The following CTSB variants were observed in gnomAD, a reference collection of about 807,000 sequenced individuals.
The protein encoded by CTSB is APP secretase.
CTSB carries 57 observed loss-of-function variants against 44.3 expected under a neutral mutation model. The observed-to-expected ratio is 1.29, with a 90% confidence interval of 1.04 to 1.60. The LOEUF (loss-of-function observed/expected upper bound fraction) is 1.60, where lower values mean the gene tolerates loss of function less well. Ranked by LOEUF, CTSB falls within the 40% of genes most tolerant of loss-of-function variation. The probability of loss-of-function intolerance (pLI) is 0.00; values close to 1 mark genes in which losing one functional copy is unlikely to be tolerated. For missense variants in CTSB, 768 were observed against 443.0 expected (o/e 1.73, Z -6.59); for synonymous variants, 320 against 168.0 (o/e 1.91, Z -7.00).
At chr8:11,855,117 G>A (rs547329219) in intron 1 of CTSB, among the ~76,000 whole-genome samples, 103 of 152,244 alleles carry the variant, frequency 6.8e-4, no homozygotes, top group Middle Eastern at 3.4e-3. Context: ...CTGCCTCCTG[G>A]GTTCAAGCTA....
intron 1 of CTSB, chr8:11,853,683 C>G (rs371565508): frequency 2.9e-4 from 146 of 501,888 alleles, no homozygotes; most frequent in African/African-American, 2.4e-3. Context: ...CCCCGGGGGC[C>G]AGGCGGCCAG....
At chr8:11,857,075 G>A (rs1246190990) in intron 1 of CTSB, among the ~76,000 whole-genome samples, 1 of 152,150 alleles carries the variant, frequency 6.6e-6, no homozygotes, top group Non-Finnish European at 1.5e-5. Flanking sequence ...ACATGCTGGA[G>A]TACAGTGGCG....
At chr8:11,849,237 G>A (rs1269488060) in intron 4 of CTSB, 73 bp from the exon 5 acceptor site, 1 of 1,182,516 alleles carries the variant, frequency 8.5e-7, no homozygotes, top group Non-Finnish European at 1.2e-6. Context: ...CCCTCAAAGG[G>A]CCACAGGGGC....
intron 1 of CTSB, among the ~76,000 whole-genome samples, chr8:11,865,074 G>C (rs1816932751): frequency 6.6e-6 from 1 of 152,178 alleles, no homozygotes; most frequent in African/African-American, 2.4e-5. Context: ...ACCAGACGTA[G>C]AGACTGCTGC....
At position 11,853,326 on chromosome 8, in the gene CTSB, T is replaced by C. The variant is rs878928055; in HGVS notation, c.126+3A>G. On this transcript the variant is annotated splice_donor_region_variant and intron_variant, in intron 2 of 9. Transcript: ENST00000353047. ...ATACATAGGACGCAGCCCCACAGCC[T>C]ACCTGCCACGTGGTATTCCGTTTGT... is the stretch of plus-strand genomic sequence containing the variant. 6.2e-7 allele frequency: 1 copy of C among 1,613,318 alleles called. No individual in the cohort carries two copies. The highest frequency in any genetic ancestry group is 8.5e-7 in the Non-Finnish European group (1 of 1,179,794).
At chr8:11,846,862 G>A (rs966203123) in intron 8 of CTSB, among the ~76,000 whole-genome samples, 190 bp downstream of exon 8, 2 of 152,092 alleles carry the variant, frequency 1.3e-5, no homozygotes, top group African/African-American at 4.8e-5. Context: ...CACAACACCT[G>A]GACAAAGACA....
chr8:11,847,373 G>A (rs867118025), intron 7 of CTSB, among the ~76,000 whole-genome samples: 1 of 152,150 alleles, frequency 6.6e-6, no homozygotes, highest in African/African-American at 2.4e-5. Context: ...GGAGAACGGA[G>A]CAATGAGCAC....
chr8:11,865,282 T>C (rs543579083), intron 1 of CTSB, among the ~76,000 whole-genome samples: 6 of 152,250 alleles, frequency 3.9e-5, no homozygotes, highest in African/African-American at 9.6e-5. Flanking sequence ...CAGTGGCTCA[T>C]ACCTGTAATC....
chr8:11,847,290 C>G, intron 7 of CTSB, 122 bp from the exon 8 acceptor site: 1 of 707,922 alleles, frequency 1.4e-6, no homozygotes, highest in Non-Finnish European at 2.5e-6. Context: ...AGGGGACTTG[C>G]CCTGCCAGGG....
rs1001090819 is a variant in CTSB, at chr8:11,845,004, G to GTTT, written c.*118_*120dup. 4.3e-6 allele frequency: 3 copies of GTTT among 696,020 alleles called. No homozygotes were observed. The African/African-American group carries it at 5.3e-5, about 12-fold the overall frequency. 43.1% of individuals were successfully genotyped at this position (696,020 alleles called of 1,614,324 possible). On this transcript the variant is annotated 3_prime_UTR_variant, in exon 10 of 10. Coordinates refer to ENST00000353047, the MANE Select transcript of CTSB (RefSeq NM_001908.5). ...GGTCTCCTTGGAAGACAGGTCTGAT[G>GTTT]TTTGGCCAATCCAGTCCTTCAGACC...
intron 1 of CTSB, among the ~76,000 whole-genome samples, chr8:11,860,386 G>T (rs1374885794): frequency 6.6e-6 from 1 of 152,142 alleles, no homozygotes; most frequent in African/African-American, 2.4e-5. Context: ...ACTTTGGGAG[G>T]CCAAGGAGGT....
At chr8:11,860,883 A>G (rs1020694642) in intron 1 of CTSB, among the ~76,000 whole-genome samples, 1 of 152,216 alleles carries the variant, frequency 6.6e-6, no homozygotes, top group Non-Finnish European at 1.5e-5. Context: ...GTGCAACCAC[A>G]AAACAAGACT....
chr8:11,848,014 T>G lies in CTSB; in HGVS notation c.532+53A>C, dbSNP rs1027475998. 27 of 1,467,070 alleles carry G rather than the reference T, an allele frequency of 1.8e-5. No individual in the cohort carries two copies. In the Admixed American group the frequency reaches 4.0e-4, roughly 22 times the overall value. The allele number at this position is 1,467,070 out of a possible 1,614,324, so 90.9% of individuals were successfully genotyped here. On this transcript the variant is annotated intron_variant, in intron 6 of 9. Coordinates refer to ENST00000353047, the MANE Select transcript of CTSB (RefSeq NM_001908.5). Reference sequence around the variant, plus strand: ...TAAAGGCAAATAAAGCCATGATGGTTAATTGCTCAAACAATCCATCTGGCC... The same window carrying G: ...TAAAGGCAAATAAAGCCATGATGGTGAATTGCTCAAACAATCCATCTGGCC...
At position 11,844,922 on chromosome 8, in the gene CTSB, G is replaced by A. The variant is rs139283459; in HGVS notation, c.*203C>T. On this transcript the variant is annotated 3_prime_UTR_variant, in exon 10 of 10. Coordinates refer to ENST00000353047, the MANE Select transcript of CTSB (RefSeq NM_001908.5). Reference sequence around the variant, plus strand: ...GGGAAGGACGCTCTGTGCTGGCAGCGGTGGCTCACATGGCCTGTCTGCACT... The same window carrying A: ...GGGAAGGACGCTCTGTGCTGGCAGCAGTGGCTCACATGGCCTGTCTGCACT... The A allele has an allele frequency of 1.1e-3, 644 of 579,906 alleles. 8 individuals carry two copies. In the East Asian group the frequency reaches 0.013, roughly 12 times the overall value. The allele number at this position is 579,906 out of a possible 1,614,324, so 35.9% of individuals were successfully genotyped here.
At position 11,849,257 on chromosome 8, in the gene CTSB, C is replaced by T. The variant is rs1586114399; in HGVS notation, c.328-93G>A. ...AAAGGGCCACAGGGGCACCTCAGAC[C>T]TTGTAGGCAACTGATCTCTCAACAC... On this transcript the variant is annotated intron_variant, in intron 4 of 9. Transcript: ENST00000353047. The T allele has an allele frequency of 7.8e-6, 7 of 899,016 alleles. No individual in the cohort carries two copies. In the East Asian group the frequency reaches 1.8e-4, roughly 23 times the overall value. 55.7% of individuals were successfully genotyped at this position (899,016 alleles called of 1,614,324 possible).
chr8:11,862,018 T>A (rs1816493445), intron 1 of CTSB, among the ~76,000 whole-genome samples: 1 of 152,052 alleles, frequency 6.6e-6, no homozygotes, highest in Non-Finnish European at 1.5e-5. Flanking sequence ...CCATCCTGGA[T>A]AACACGGTGA....
At position 11,851,062 on chromosome 8, in the gene CTSB, C is replaced by G. The variant is rs555707589; in HGVS notation, c.213-82G>C. The G allele has an allele frequency of 5.5e-5, 48 of 877,638 alleles. 1 individual carries two copies. In the South Asian group the frequency reaches 6.2e-4, roughly 11 times the overall value. The allele number at this position is 877,638 out of a possible 1,614,324, so 54.4% of individuals were successfully genotyped here. ...CCTGCAAAGGCCACTTTGGCTGGGC[C>G]ACACTCCCCTAACAAGGAAATGAGC... On this transcript the variant is annotated intron_variant, in intron 3 of 9. Coordinates refer to ENST00000353047, the MANE Select transcript of CTSB (RefSeq NM_001908.5).
rs1290689442 is a variant in CTSB, at chr8:11,845,703, A to ATTCTCCT, written c.879_880insAGGAGAA (p.Trp294ArgfsTer12). The ATTCTCCT allele has an allele frequency of 1.2e-6, 2 of 1,614,162 alleles. No homozygotes were observed. The highest frequency in any genetic ancestry group is 3.3e-5 in the Admixed American group (2 of 60,026). On this transcript the variant is annotated frameshift_variant, in exon 9 of 10. Transcript: ENST00000353047. LOFTEE classifies it high-confidence loss of function. ...GTGTTCCAGGAGTTGGCAACCAGCC[A>ATTCTCCT]GTAGGGTGTGCCATTCTCCACTCCC...
At chr8:11,860,876 C>A (rs1330040000) in intron 1 of CTSB, among the ~76,000 whole-genome samples, 1 of 152,220 alleles carries the variant, frequency 6.6e-6, no homozygotes, top group African/African-American at 2.4e-5. Context: ...CACTTAAGTG[C>A]AACCACAAAA....
Sources: gnomAD v4.1 joint callset for allele counts (sites outside exome capture counted in the v4.1 genomes callset) on GRCh38, gnomAD v4.1.1 for gene constraint, MANE v1.5 for transcripts, NCBI Gene and HGNC (gene_info 2026-07-23, HGNC 2026-07-21) for gene names.